Variants in LMLN observed in about 807,000 individuals in gnomAD.
The protein encoded by LMLN is leishmanolysin like peptidase.
LMLN carries 70 observed loss-of-function variants against 92.3 expected under a neutral mutation model. The ratio of observed to expected loss-of-function variants is 0.76; its 90% confidence interval spans 0.63 to 0.92. LMLN has a LOEUF of 0.92. LMLN is among the 40% of genes least tolerant of loss of function. The pLI is 0.00. For synonymous variants in LMLN, 308 were observed against 296.2 expected, an observed-to-expected ratio of 1.04 and a Z score of -0.41; for missense variants, 691 against 814.6, an observed-to-expected ratio of 0.85 and a Z score of 1.85.
At chr3:198,012,897 G>A (rs1208180822) in intron 11 of LMLN, among the ~76,000 whole-genome samples, 1 of 128,088 alleles carries the variant, frequency 7.8e-6, no homozygotes, top group East Asian at 2.1e-4. Flanking sequence ...TAACTAGTCT[G>A]ACTTCTCTGT....
intron 14 of LMLN, among the ~76,000 whole-genome samples, chr3:198,035,325 G>A (rs1294163882): frequency 2.0e-5 from 3 of 150,072 alleles, no homozygotes; most frequent in Admixed American, 6.6e-5. Context: ...GCCACACAGA[G>A]TGTAATTCTT....
chr3:197,962,117 C>T (rs1720919894), intron 1 of LMLN, among the ~76,000 whole-genome samples: 1 of 152,154 alleles, frequency 6.6e-6, no homozygotes, highest in Admixed American at 6.5e-5. Context: ...CCAGACGTTC[C>T]CTCCTGTCCT....
At chr3:198,014,716 C>T (rs1490328867) in intron 11 of LMLN, among the ~76,000 whole-genome samples, 3 of 143,916 alleles carry the variant, frequency 2.1e-5, no homozygotes, top group Non-Finnish European at 4.6e-5. Flanking sequence ...AGTCTGACTT[C>T]TCTCCACTCT....
chr3:198,024,943 T>G (rs1205298545), intron 14 of LMLN, among the ~76,000 whole-genome samples, 155 bp downstream of exon 15: 1 of 152,246 alleles, frequency 6.6e-6, no homozygotes, highest in Non-Finnish European at 1.5e-5. Context: ...GATGCTTATG[T>G]TTTATGAAAA....
intron 14 of LMLN, among the ~76,000 whole-genome samples, chr3:198,033,650 C>T (rs1359699305): frequency 6.6e-6 from 1 of 152,190 alleles, no homozygotes; most frequent in Non-Finnish European, 1.5e-5. Context: ...GATCCACCTG[C>T]CTTGGTGTCC....
At chr3:198,003,031 T>TA in intron 11 of LMLN, 1 of 1,550,180 alleles carries the variant, frequency 6.5e-7, no homozygotes, top group Non-Finnish European at 8.7e-7. Flanking sequence ...TAAAGCAAAT[T>TA]ACAGCATGGC....
chr3:198,012,948 C>G (rs567506532), intron 11 of LMLN, among the ~76,000 whole-genome samples: 2 of 117,582 alleles, frequency 1.7e-5, no homozygotes, highest in East Asian at 4.5e-4. Flanking sequence ...TCTCTGTACC[C>G]TTCAGAGCCC....
At chr3:197,998,648 C>T (rs1722091555) in intron 10 of LMLN, among the ~76,000 whole-genome samples, 1 of 152,144 alleles carries the variant, frequency 6.6e-6, no homozygotes, top group Non-Finnish European at 1.5e-5. Context: ...ACACTCAGAA[C>T]TGTCCAAAGA....
At chr3:197,977,866 A>T (rs575487433) in intron 5 of LMLN, among the ~76,000 whole-genome samples, 1 of 152,184 alleles carries the variant, frequency 6.6e-6, no homozygotes, top group East Asian at 1.9e-4. Context: ...TATAAAAATC[A>T]TCAAACAATC....
At chr3:197,960,838 C>T (rs2109832136) in intron 1 of LMLN, among the ~76,000 whole-genome samples, 1 of 152,192 alleles carries the variant, frequency 6.6e-6, no homozygotes, top group East Asian at 1.9e-4. Context: ...TATGCTTGTC[C>T]GGGGACCACT....
At chr3:197,961,185 C>A (rs146952964) in intron 1 of LMLN, among the ~76,000 whole-genome samples, 2 of 152,178 alleles carry the variant, frequency 1.3e-5, no homozygotes, top group African/African-American at 4.8e-5. Flanking sequence ...GGGATAATGG[C>A]TTATTTTTTA....
chr3:197,980,313 C>G lies in LMLN; in HGVS notation c.550-13C>G. On this transcript the variant is annotated splice_polypyrimidine_tract_variant and intron_variant, in intron 5 of 15. Coordinates refer to ENST00000330198, the Ensembl canonical transcript of LMLN. ...TCTCTGTTCTGGCTTTCTGATGTCTCCCGTGGGTGCAGCAATGCCGGGTCT... is the reference window on the plus strand; with the variant it reads ...TCTCTGTTCTGGCTTTCTGATGTCTGCCGTGGGTGCAGCAATGCCGGGTCT... The G allele has an allele frequency of 6.2e-7, 1 of 1,607,674 alleles. No homozygotes were observed. Among genetic ancestry groups the G allele is most frequent in the Non-Finnish European group, 8.5e-7 (1 of 1,176,112 alleles).
At chr3:198,032,178 A>G (rs1723096487) in intron 14 of LMLN, among the ~76,000 whole-genome samples, 1 of 151,604 alleles carries the variant, frequency 6.6e-6, no homozygotes, top group African/African-American at 2.4e-5. Flanking sequence ...GGGCTTGTTG[A>G]CTGTGGTCTC....
At chr3:197,982,806 A>AG (rs1436507041) in intron 6 of LMLN, among the ~76,000 whole-genome samples, 2 of 152,268 alleles carry the variant, frequency 1.3e-5, no homozygotes, top group African/African-American at 2.4e-5. Flanking sequence ...CAATTGAACA[A>AG]GGAAGACCTC....
chr3:198,033,795 G>A (rs1347622666), intron 14 of LMLN, among the ~76,000 whole-genome samples: 1 of 152,204 alleles, frequency 6.6e-6, no homozygotes, highest in Non-Finnish European at 1.5e-5. Context: ...CCTTTTCAGC[G>A]CCAAGCACGG....
At chr3:197,995,862 AT>A (rs1165491773) in intron 9 of LMLN, among the ~76,000 whole-genome samples, 1 of 152,192 alleles carries the variant, frequency 6.6e-6, no homozygotes, top group African/African-American at 2.4e-5. Context: ...TAAATAAAAA[AT>A]TTTAAATTGT....
intron 11 of LMLN, among the ~76,000 whole-genome samples, chr3:198,000,632 C>T (rs965302607): frequency 4.6e-5 from 7 of 151,550 alleles, no homozygotes; most frequent in Non-Finnish European, 8.8e-5. Flanking sequence ...TTCGCCATGT[C>T]GGCCAGGCTG....
chr3:198,012,701 CT>C (rs1332977067), intron 11 of LMLN, among the ~76,000 whole-genome samples: 1 of 151,252 alleles, frequency 6.6e-6, no homozygotes, highest in Non-Finnish European at 1.5e-5. Flanking sequence ...TCAGAGTCCC[CT>C]AACTAGTCTG....
At chr3:198,007,873 A>G (rs1415708428) in intron 11 of LMLN, among the ~76,000 whole-genome samples, 4 of 152,186 alleles carry the variant, frequency 2.6e-5, no homozygotes, top group African/African-American at 9.7e-5. Context: ...CAGATTTTTT[A>G]TACATGTTCT....
Sources: gnomAD v4.1 joint callset for allele counts (sites outside exome capture counted in the v4.1 genomes callset) on GRCh38, gnomAD v4.1.1 for gene constraint, MANE v1.5 for transcripts, NCBI Gene and HGNC (gene_info 2026-07-23, HGNC 2026-07-21) for gene names.